MYRF: variants seen among roughly 807,000 people sequenced by gnomAD.
MYRF encodes myelin gene regulatory factor.
In MYRF, 16 loss-of-function variants were observed where a neutral mutation model predicts 126.3. The observed-to-expected ratio is 0.13, with a 90% confidence interval of 0.09 to 0.19. MYRF has a LOEUF of 0.19. Ranked by LOEUF, MYRF falls within the 10% of genes least tolerant of loss-of-function variation. The pLI, the probability that MYRF is intolerant of heterozygous loss-of-function variation, is 1.00. For missense variants in MYRF, 1,104 were observed against 1,547.0 expected (o/e 0.71, Z 4.80); for synonymous variants, 608 against 635.3 (o/e 0.96, Z 0.65).
In MYRF at chr11:61,780,999, C is replaced by A. The variant is rs763595116; in HGVS notation, c.2526C>A (p.Ser842=). 21 of 1,610,102 alleles carry A rather than the reference C, an allele frequency of 1.3e-5. No individual in the cohort carries two copies. The highest frequency in any genetic ancestry group is 1.7e-5 in the Non-Finnish European group (20 of 1,180,022). Residue 842 remains serine, a synonymous_variant, in exon 20 of 27, where the codon TCC becomes TCA. Transcript: ENST00000278836. Reference sequence around the variant, plus strand: ...TTGGGACCACGCAGCTCCGACAGTCCCCCTTGACCACGGGGCTACCAGGCA... The same window carrying A: ...TTGGGACCACGCAGCTCCGACAGTCACCCTTGACCACGGGGCTACCAGGCA... ...QSFGTTQLRQ[S]PLTTGLPGIQ...
chr11:61,788,405 G>A lies in MYRF; in HGVS notation c.*2262G>A, dbSNP rs1374183735. The A allele has an allele frequency of 1.3e-5, 2 of 152,252 alleles. No homozygotes were observed. The highest frequency in any genetic ancestry group is 2.4e-5 in the African/African-American group (1 of 41,400). 9.4% of individuals were successfully genotyped at this position (152,252 alleles called of 1,614,324 possible). On this transcript the variant is annotated 3_prime_UTR_variant, in exon 27 of 27. Transcript: ENST00000278836. The stretch of plus-strand genomic sequence containing the variant: ...CATGTGCCAACTCTGACTCTGAGGT[G>A]GGCAGTGAGGGAAGCAGCCCCGGGC...
chr11:61,771,415 T>C (rs2066215186), intron 5 of MYRF, 85 bp from the exon 6 acceptor site: 2 of 1,531,452 alleles, frequency 1.3e-6, no homozygotes, highest in Admixed American at 3.8e-5. Context: ...CCAAACAGGC[T>C]AGAGAGGGGA....
chr11:61,781,023 C>T lies in MYRF; in HGVS notation c.2550C>T (p.Gly850=), dbSNP rs964880175. Residue 850 remains glycine, a synonymous_variant, in exon 20 of 27, where the codon GGC becomes GGT. Transcript: ENST00000278836. ...RQSPLTTGLP[G]IQPSLLLVTT... is the part of the protein sequence containing the mutation. ...CCCCCTTGACCACGGGGCTACCAGG[C>T]ATACAGCCCTCTTTGCTGCTGGGTG... The T allele has an allele frequency of 1.9e-5, 31 of 1,609,846 alleles. No homozygotes were observed. The highest frequency in any genetic ancestry group is 2.6e-5 in the Non-Finnish European group (31 of 1,180,002).
Position 61,771,706 on chromosome 11 carries a change from G to A in MYRF, c.947G>A (p.Arg316His), listed in dbSNP as rs867720140. The part of the protein sequence containing the change: ...GPGSLPLSIA[R>H]VQTPPWHPPG... ...GGTTCCTTGCCTCTCAGCATTGCCC[G>A]TGTCCAGACACCGCCTTGGCACCCG... Residue 316 changes from arginine to histidine, a missense_variant, in exon 6 of 27, where the codon CGT becomes CAT. This residue lies in a region of MYRF where 87 missense variants were observed against 129.2 expected (regional missense o/e 0.67). Coordinates refer to ENST00000278836, the MANE Select transcript of MYRF (RefSeq NM_001127392.3). The A allele has an allele frequency of 3.5e-5, 56 of 1,613,378 alleles. No individual in the cohort carries two copies. Among genetic ancestry groups the A allele is most frequent in the African/African-American group, 8.0e-5 (6 of 74,916 alleles).
chr11:61,755,698 T>C, intron 1 of MYRF: 1 of 690,238 alleles, frequency 1.4e-6, no homozygotes, highest in Non-Finnish European at 2.7e-6. Context: ...TGCCCAGCCC[T>C]GGGAAGGAGA....
chr11:61,778,835 A>G lies in MYRF; in HGVS notation c.2013+346A>G, dbSNP rs1368394950. The stretch of plus-strand genomic sequence containing the variant: ...CTGAAATACGTGGTTTATTGTGAGG[A>G]CGACGTTTGTCACTTACCTGTCCTG... On this transcript the variant is annotated intron_variant, in intron 14 of 26. Coordinates refer to ENST00000278836, the MANE Select transcript of MYRF (RefSeq NM_001127392.3). The surrounding 1 kb of genome is among the most constrained non-coding windows in gnomAD (Gnocchi z 4.6). 1.8e-6 allele frequency: 1 copy of G among 549,160 alleles called. No homozygotes were observed. Among genetic ancestry groups the G allele is most frequent in the Non-Finnish European group, 3.5e-6 (1 of 287,438 alleles). 34.0% of individuals were successfully genotyped at this position (549,160 alleles called of 1,614,324 possible). A position where few individuals can be genotyped will look rare whatever the true frequency, so the allele number is the denominator to read the frequency against.
chr11:61,760,445 G>A (rs111846267), intron 1 of MYRF, among the ~76,000 whole-genome samples: 108 of 152,312 alleles, frequency 7.1e-4, no homozygotes, highest in African/African-American at 2.4e-3. Context: ...TGACCCACTG[G>A]AAGGGATGGC....
intron 1 of MYRF, 87 bp from the exon 2 acceptor site, chr11:61,765,538 C>G: frequency 9.0e-7 from 1 of 1,111,560 alleles, no homozygotes; most frequent in Non-Finnish European, 1.3e-6. Context: ...GAGGGCCAGC[C>G]TGGGCAGGGA....
rs900044355 is a variant in MYRF, at chr11:61,762,711, G to A, written c.47-2914G>A. Among the ~76,000 whole-genome samples the A allele has an allele frequency of 4.6e-5, 7 of 152,298 alleles. No homozygotes were observed. In the East Asian group the frequency reaches 7.7e-4, roughly 17 times the overall value. On this transcript the variant is annotated intron_variant, in intron 1 of 26. Coordinates refer to ENST00000278836, the MANE Select transcript of MYRF (RefSeq NM_001127392.3). Reference sequence around the variant, plus strand: ...ACGGGCGGGCTGGGGGCCGAGCGGCGTGGGAAAGAGACGACGCGGCCTCCA... The same window carrying A: ...ACGGGCGGGCTGGGGGCCGAGCGGCATGGGAAAGAGACGACGCGGCCTCCA...
rs1475587750 is a variant in MYRF, at chr11:61,778,013, C to T, written c.1903+168C>T. Among the ~76,000 whole-genome samples the T allele has an allele frequency of 4.6e-5, 7 of 152,206 alleles. No individual in the cohort carries two copies. The highest frequency in any genetic ancestry group is 8.8e-5 in the Non-Finnish European group (6 of 68,032). On this transcript the variant is annotated intron_variant, in intron 13 of 26. Coordinates refer to ENST00000278836, the MANE Select transcript of MYRF (RefSeq NM_001127392.3). The surrounding 1 kb of genome is among the most constrained non-coding windows in gnomAD (Gnocchi z 4.6). ...GCCCCTCGGACCTTGGAAAATCGCA[C>T]CTCTCCAGGTCCCCGGAACCTCGCC... is the stretch of plus-strand genomic sequence containing the variant.
chr11:61,785,748 G>C, intron 25 of MYRF, 52 bp from the exon 26 acceptor site: 1 of 1,497,976 alleles, frequency 6.7e-7, no homozygotes, highest in Non-Finnish European at 9.3e-7. Context: ...GAGAGATGCT[G>C]GTTGGGATAA....
chr11:61,756,888 T>A (rs548834711), intron 1 of MYRF, among the ~76,000 whole-genome samples: 1 of 151,952 alleles, frequency 6.6e-6, no homozygotes, highest in African/African-American at 2.4e-5. Context: ...GGGGCCTGAC[T>A]CCCCAATTAC....
intron 1 of MYRF, among the ~76,000 whole-genome samples, chr11:61,761,672 G>T (rs2135717138): frequency 1.3e-5 from 2 of 152,358 alleles, no homozygotes; most frequent in South Asian, 4.1e-4. Flanking sequence ...CATTTCCTGG[G>T]TGCCTGCTGT....
chr11:61,769,339 C>G lies in MYRF; in HGVS notation c.460+18C>G. The G allele has an allele frequency of 6.3e-7, 1 of 1,599,878 alleles. No homozygotes were observed. The highest frequency in any genetic ancestry group is 8.5e-7 in the Non-Finnish European group (1 of 1,172,428). Reference sequence around the variant, plus strand: ...GGTGAATGGTGAGTCCAGCGGGCACCGCCCTCCTGCTCCAGGGTTTGGGCA... The same window carrying G: ...GGTGAATGGTGAGTCCAGCGGGCACGGCCCTCCTGCTCCAGGGTTTGGGCA... On this transcript the variant is annotated intron_variant, in intron 4 of 26. Transcript: ENST00000278836.
rs773669373 is a variant in MYRF at position 61,771,568 on chromosome 11, T to G, written c.809T>G (p.Met270Arg). 4.3e-6 allele frequency: 7 copies of G among 1,613,856 alleles called. No individual in the cohort carries two copies. The South Asian group carries it at 6.6e-5, about 15-fold the overall frequency. ...CCCCCCAGCACCCTCAATGCCCAGA[T>G]GCTGAATGGAATGATCAAACAGGAG... ...ESPPSTLNAQ[M>R]LNGMIKQEPG... is the part of the protein sequence containing the mutation. The change falls in exon 6 of 27, where the codon ATG (methionine) becomes AGG (arginine). Residue 270 changes from methionine to arginine, a missense_variant. Physicochemically the swap from Met to Arg is moderately conservative, Grantham distance 91. Transcript: ENST00000278836.
intron 26 of MYRF, 81 bp downstream of exon 26, chr11:61,785,955 AC>A (rs1005997044): frequency 1.3e-6 from 2 of 1,565,844 alleles, no homozygotes; most frequent in African/African-American, 2.7e-5. Flanking sequence ...GGGGGTTTGC[AC>A]AGTATGTGGT....
rs748831110 is a variant in MYRF at position 61,757,329 on chromosome 11, C to T, written c.46+4539C>T. 8 of 456,404 alleles carry T rather than the reference C, an allele frequency of 1.8e-5. No homozygotes were observed. The highest frequency in any genetic ancestry group is 7.7e-5 in the South Asian group (5 of 64,556). 28.3% of individuals were successfully genotyped at this position (456,404 alleles called of 1,614,324 possible). On this transcript the variant is annotated intron_variant, in intron 1 of 26. Transcript: ENST00000278836. The surrounding 1 kb of genome is among the most constrained non-coding windows in gnomAD (Gnocchi z 4.7). ...GCTTACCCACAGTGCTTCTCTTGGC[C>T]GTATCAGGGCACCGCTGTGCCTCCG...
chr11:61,786,164 C>T lies in MYRF; in HGVS notation c.*21C>T, dbSNP rs1390464147. The T allele has an allele frequency of 1.9e-6, 3 of 1,612,436 alleles. No individual in the cohort carries two copies. In the Admixed American group the frequency reaches 5.0e-5, roughly 27 times the overall value. ...ACTGAGCTGCCCTCCTGAGGCAGCA[C>T]CACACCAGGGACCAGGGGTGCCCAG... On this transcript the variant is annotated 3_prime_UTR_variant, in exon 27 of 27. Transcript: ENST00000278836. This position sits in a 1 kb window ranked among gnomAD's most constrained non-coding sequence, Gnocchi z 4.5.
At chr11:61,762,125 C>T (rs2065916673) in intron 1 of MYRF, among the ~76,000 whole-genome samples, 2 of 152,098 alleles carry the variant, frequency 1.3e-5, no homozygotes, top group Admixed American at 6.5e-5. Context: ...GCTTAGGGAA[C>T]AGCATGGAAT....
Sources: gnomAD v4.1 joint callset for allele counts (sites outside exome capture counted in the v4.1 genomes callset) on GRCh38, gnomAD v4.1.1 for gene constraint, gnomAD v4.1.1 regional missense constraint, Gnocchi (gnomAD v3.1) non-coding constraint, MANE v1.5 for transcripts, NCBI Gene and HGNC (gene_info 2026-07-23, HGNC 2026-07-21) for gene names.